The following SLC7A11 variants were observed in gnomAD, a reference collection of about 807,000 sequenced individuals.
The protein encoded by SLC7A11 is solute carrier family 7 member 11.
A neutral mutation model predicts 54.5 loss-of-function variants in SLC7A11; 35 were observed. That is an observed-to-expected ratio of 0.64 (90% confidence interval 0.49 to 0.85). SLC7A11 has a LOEUF of 0.85. Ranked by LOEUF, SLC7A11 falls within the 40% of genes least tolerant of loss-of-function variation. The pLI is 0.00. For synonymous variants in SLC7A11, 230 were observed against 225.2 expected (o/e 1.02, Z -0.19); for missense variants, 583 against 618.1 (o/e 0.94, Z 0.60).
rs552799445 is a variant in SLC7A11 at position 138,213,013 on chromosome 4, T to G, written c.791+1572A>C. Reference sequence around the variant, plus strand: ...AATACATATTTTATATTATATCCAGTACTAACTGTCTTTTCTCTATGCTGG... The same window carrying G: ...AATACATATTTTATATTATATCCAGGACTAACTGTCTTTTCTCTATGCTGG... On this transcript the variant is annotated intron_variant, in intron 6 of 11. Transcript: ENST00000280612. 7.2e-5 allele frequency among the ~76,000 whole-genome samples: 11 copies of G among 152,118 alleles called. No individual in the cohort carries two copies. In the South Asian group the frequency reaches 2.1e-3, roughly 29 times the overall value.
rs751679927 is a variant in SLC7A11 at position 138,219,314 on chromosome 4, G to T, written c.698C>A (p.Thr233Lys). ...ATAATAAAAAGCCAGTGGCAACCGC[G>T]TAATACTTGAATCTCTTCCTGAAAA... ...DAFSGRDSSI[T>K]RLPLAFYYGM... Residue 233 changes from threonine (T) to lysine (K), a missense_variant, in exon 5 of 12, where the codon ACG becomes AAG. Physicochemically the swap from Thr to Lys is moderately conservative, Grantham distance 78. Coordinates refer to ENST00000280612, the MANE Select transcript of SLC7A11 (RefSeq NM_014331.4). 5 of 1,610,794 alleles carry T rather than the reference G, an allele frequency of 3.1e-6. No homozygotes were observed. Among genetic ancestry groups the T allele is most frequent in the Non-Finnish European group, 3.4e-6 (4 of 1,177,372 alleles).
intron 1 of SLC7A11, among the ~76,000 whole-genome samples, chr4:138,239,530 C>G (rs1738326536): frequency 6.6e-6 from 1 of 152,072 alleles, no homozygotes; most frequent in Non-Finnish European, 1.5e-5. Context: ...CACTCCTGTC[C>G]AAAAGCTTCT....
intron 1 of SLC7A11, 60 bp downstream of exon 1, chr4:138,241,733 C>G: frequency 7.4e-7 from 1 of 1,354,992 alleles, no homozygotes; most frequent in Non-Finnish European, 1.0e-6. Flanking sequence ...TTTGCTTTCC[C>G]AGAAAGCAAG....
In SLC7A11 at chr4:138,185,144, G is replaced by A. The variant is rs574934123; in HGVS notation, c.892C>T (p.Leu298=). 37 of 1,612,884 alleles carry A rather than the reference G, an allele frequency of 2.3e-5. No individual in the cohort carries two copies. In the South Asian group the frequency reaches 3.5e-4, roughly 15 times the overall value. Residue 298 remains leucine (L), a synonymous_variant, in exon 7 of 12, where the codon CTG becomes TTG. Coordinates refer to ENST00000280612, the MANE Select transcript of SLC7A11 (RefSeq NM_014331.4). ...YFTTINAEEL[L]LSNAVAVTFS... ...ACCACTGCCACTGCATTTGAAAGCA[G>A]CAGCTCCTCAGCATTAATGGTCGTA...
At chr4:138,202,036 T>C (rs1360204020) in intron 6 of SLC7A11, among the ~76,000 whole-genome samples, 3 of 152,152 alleles carry the variant, frequency 2.0e-5, no homozygotes, top group African/African-American at 7.2e-5. Context: ...ATTCCTCTCA[T>C]ATAATTGCAT....
intron 11 of SLC7A11, among the ~76,000 whole-genome samples, chr4:138,173,941 A>G (rs1736502305): frequency 6.6e-6 from 1 of 152,192 alleles, no homozygotes; most frequent in Non-Finnish European, 1.5e-5. Flanking sequence ...ATAAATAGTA[A>G]AGAAAATGTA....
rs1736235525 is a variant in SLC7A11 at position 138,165,593 on chromosome 4, A to G, written c.*6363T>C. On this transcript the variant is annotated 3_prime_UTR_variant, in exon 12 of 12. Coordinates refer to ENST00000280612, the MANE Select transcript of SLC7A11 (RefSeq NM_014331.4). ...TCCCAAATGTTGAGAAGTTCTAGTG[A>G]AAAGTCATACTATTGTGCAAAGATG... 1 of 152,194 alleles carries G rather than the reference A, an allele frequency of 6.6e-6. No individual in the cohort carries two copies. Among genetic ancestry groups the G allele is most frequent in the African/African-American group, 2.4e-5 (1 of 41,458 alleles). 9.4% of individuals were successfully genotyped at this position (152,194 alleles called of 1,614,324 possible).
rs562224581 is a variant in SLC7A11 at position 138,240,472 on chromosome 4, CAGG to C, written c.277+1318_277+1320del. 1.2e-3 allele frequency among the ~76,000 whole-genome samples: 187 copies of C among 150,092 alleles called. 1 individual carries two copies. The highest frequency in any genetic ancestry group is 4.4e-3 in the African/African-American group (178 of 40,808). ...GTCCCAGCTACTCGGGAGGCTTAGGCAGGAGAATTGCTTGAACTTGGGAGGCGG... is the reference window on the plus strand; with the variant it reads ...GTCCCAGCTACTCGGGAGGCTTAGGCAGAATTGCTTGAACTTGGGAGGCGG... On this transcript the variant is annotated intron_variant, in intron 1 of 11. Transcript: ENST00000280612.
Position 138,179,193 on chromosome 4 carries a change from C to T in SLC7A11, c.1444+24G>A, listed in dbSNP as rs529072662. The T allele has an allele frequency of 1.2e-5, 18 of 1,519,450 alleles. No individual in the cohort carries two copies. The East Asian group carries it at 3.8e-4, about 32-fold the overall frequency. The allele number at this position is 1,519,450 out of a possible 1,614,324, so 94.1% of individuals were successfully genotyped here. A position where few individuals can be genotyped will look rare whatever the true frequency, so the allele number is the denominator to read the frequency against. ...TTTTCTACATGGTGTTGCACAATGT[C>T]CTGAAAGTATTTAAAATTCTTACCC... is the stretch of plus-strand genomic sequence containing the variant. On this transcript the variant is annotated intron_variant, in intron 11 of 11. Coordinates refer to ENST00000280612, the MANE Select transcript of SLC7A11 (RefSeq NM_014331.4).
At chr4:138,204,766 C>T (rs373165671) in intron 6 of SLC7A11, among the ~76,000 whole-genome samples, 56 of 151,836 alleles carry the variant, frequency 3.7e-4, no homozygotes, top group African/African-American at 9.9e-4. Flanking sequence ...ATTCTGATTA[C>T]GATGTGTGAG....
At chr4:138,184,861 C>T (rs982686060) in intron 7 of SLC7A11, among the ~76,000 whole-genome samples, 8 of 152,000 alleles carry the variant, frequency 5.3e-5, no homozygotes, top group Non-Finnish European at 8.8e-5. Context: ...GGAGAATAAG[C>T]TTTGGCAGAT....
intron 6 of SLC7A11, among the ~76,000 whole-genome samples, chr4:138,187,932 A>T (rs1182873145): frequency 6.6e-6 from 1 of 152,196 alleles, no homozygotes; most frequent in Admixed American, 6.6e-5. Flanking sequence ...CAATCTTACT[A>T]TCAGCCAAAT....
chr4:138,168,420 A>G lies in SLC7A11; in HGVS notation c.*3536T>C, dbSNP rs1736323882. On this transcript the variant is annotated 3_prime_UTR_variant, in exon 12 of 12. Transcript: ENST00000280612. Reference sequence around the variant, plus strand: ...TTTCATACCTTATACCTCAATTACAAAAGATCAACTTTAACAAAGGTCAGA... The same window carrying G: ...TTTCATACCTTATACCTCAATTACAGAAGATCAACTTTAACAAAGGTCAGA... 1 of 152,304 alleles carries G rather than the reference A, an allele frequency of 6.6e-6. No individual in the cohort carries two copies. The highest frequency in any genetic ancestry group is 1.9e-4 in the East Asian group (1 of 5,186). The allele number at this position is 152,304 out of a possible 1,614,324, so 9.4% of individuals were successfully genotyped here. A position where few individuals can be genotyped will look rare whatever the true frequency, so the allele number is the denominator to read the frequency against.
intron 3 of SLC7A11, among the ~76,000 whole-genome samples, chr4:138,224,825 AG>A (rs1737901512): frequency 7.0e-6 from 1 of 142,650 alleles, no homozygotes; most frequent in African/African-American, 2.9e-5. Flanking sequence ...AAAGGAAGGA[AG>A]GAAGGAAGGA....
chr4:138,176,794 G>A (rs937107450), intron 11 of SLC7A11: 1 of 152,138 alleles, frequency 6.6e-6, no homozygotes, highest in African/African-American at 2.4e-5. Context: ...ATTTCACAGC[G>A]ATGAGTGCTA....
At position 138,223,322 on chromosome 4, in the gene SLC7A11, C is replaced by T; in HGVS notation, c.523G>A (p.Val175Ile). 1 of 1,612,906 alleles carries T rather than the reference C, an allele frequency of 6.2e-7. No individual in the cohort carries two copies. Among genetic ancestry groups the T allele is most frequent in the African/African-American group, 1.3e-5 (1 of 74,984 alleles). The change falls in exon 4 of 12, where the codon GTA (valine) becomes ATA (isoleucine). Residue 175 changes from valine to isoleucine, a missense_variant and splice_region_variant. Transcript: ENST00000280612. ...IKLITAVGIT[V>I]VMVLNSMSVS... ...CTCATGCTATTTAGGACCATCACTA[C>T]AGCTGCAAACAAATAGAGGAAGTTA...
chr4:138,210,782 T>A (rs1323196595), intron 6 of SLC7A11, among the ~76,000 whole-genome samples: 2 of 152,110 alleles, frequency 1.3e-5, no homozygotes, highest in African/African-American at 4.8e-5. Context: ...AGGGAATGCT[T>A]ATACACTGTT....
chr4:138,239,824 T>C (rs957853894), intron 1 of SLC7A11, among the ~76,000 whole-genome samples: 5 of 152,258 alleles, frequency 3.3e-5, no homozygotes, highest in Non-Finnish European at 7.3e-5. Context: ...TGTGCAAAAA[T>C]TGAATCACAT....
chr4:138,239,296 T>C (rs1398424446), intron 1 of SLC7A11, among the ~76,000 whole-genome samples: 1 of 152,100 alleles, frequency 6.6e-6, no homozygotes, highest in Non-Finnish European at 1.5e-5. Flanking sequence ...GGGGGAATGA[T>C]TTTCATTTAA....
Sources: allele counts gnomAD v4.1 joint callset (sites outside exome capture counted in the v4.1 genomes callset), GRCh38; gene constraint gnomAD v4.1.1; transcripts MANE v1.5; gene names NCBI Gene and HGNC (gene_info 2026-07-23, HGNC 2026-07-21).